RABGAP1L: variants seen among roughly 807,000 people sequenced by gnomAD.
RABGAP1L encodes the protein rab GTPase-activating protein 1-like.
Under a neutral mutation model 137.7 loss-of-function variants are expected in RABGAP1L, and 63 were observed. That is an observed-to-expected ratio of 0.46 (90% confidence interval 0.37 to 0.56). RABGAP1L has a LOEUF of 0.56. Ranked by LOEUF, RABGAP1L falls within the 20% of genes least tolerant of loss-of-function variation. The pLI is 0.00. For missense variants in RABGAP1L, 1,095 were observed against 1,244.0 expected (o/e 0.88, Z 1.80); for synonymous variants, 431 against 433.7 (o/e 0.99, Z 0.08).
At chr1:174,679,658 A>G (rs1410695251) in intron 14 of RABGAP1L, among the ~76,000 whole-genome samples, 2 of 152,356 alleles carry the variant, frequency 1.3e-5, no homozygotes, top group East Asian at 3.9e-4. Context: ...CACAAACAAC[A>G]TGGTTATGCA....
chr1:174,258,274 A>G (rs1014200910), intron 7 of RABGAP1L, among the ~76,000 whole-genome samples: 2 of 152,152 alleles, frequency 1.3e-5, no homozygotes, highest in Non-Finnish European at 2.9e-5. Context: ...TTACCAAGAA[A>G]ATTCTTAACA....
At chr1:174,808,443 G>T (rs1689545493) in intron 18 of RABGAP1L, among the ~76,000 whole-genome samples, 1 of 151,946 alleles carries the variant, frequency 6.6e-6, no homozygotes, top group African/African-American at 2.4e-5. Flanking sequence ...AACAAATTGA[G>T]GCCCTGTCTC....
chr1:174,600,978 G>A (rs559652351), intron 13 of RABGAP1L, among the ~76,000 whole-genome samples: 3 of 152,310 alleles, frequency 2.0e-5, no homozygotes, highest in South Asian at 2.1e-4. Context: ...GCAAACTTTT[G>A]TCTGGGCATC....
In RABGAP1L at chr1:174,632,454, G is replaced by T. The variant is rs867986241; in HGVS notation, c.1711-4921G>T. ...AATGTTGGCCTGCCTTGCTAGATTG[G>T]GGAAGTTCTCCTGGATAATATCCTG... is the stretch of plus-strand genomic sequence containing the variant. On this transcript the variant is annotated intron_variant, in intron 13 of 25. Coordinates refer to ENST00000681986, the MANE Select transcript of RABGAP1L (RefSeq NM_001366446.1). Among the ~76,000 whole-genome samples the T allele has an allele frequency of 1.2e-4, 18 of 148,980 alleles. No homozygotes were observed. The South Asian group carries it at 2.8e-3, about 23-fold the overall frequency.
At chr1:174,958,027 T>G in intron 20 of RABGAP1L, 2 of 1,526,262 alleles carry the variant, frequency 1.3e-6, no homozygotes, top group Non-Finnish European at 1.8e-6. Flanking sequence ...GGCAAAGTAC[T>G]GTTTTAGCTG....
intron 13 of RABGAP1L, among the ~76,000 whole-genome samples, chr1:174,620,175 A>T (rs982001689): frequency 6.6e-6 from 1 of 152,176 alleles, no homozygotes; most frequent in African/African-American, 2.4e-5. Context: ...ACTCCCACAC[A>T]ATAATAATGG....
intron 13 of RABGAP1L, among the ~76,000 whole-genome samples, chr1:174,622,898 A>T (rs928626621): frequency 2.0e-5 from 3 of 152,144 alleles, no homozygotes; most frequent in Non-Finnish European, 2.9e-5. Context: ...TTATTATTCA[A>T]TTTTTTTGAA....
In RABGAP1L at chr1:174,521,950, G is replaced by A. The variant is rs60510552; in HGVS notation, c.1711-115425G>A. Among the ~76,000 whole-genome samples, 818 of 152,054 alleles carry A rather than the reference G, an allele frequency of 5.4e-3. 10 individuals are homozygous for A. Among genetic ancestry groups the A allele is most frequent in the African/African-American group, 0.018 (767 of 41,474 alleles). ...AAAAATTAGCCAGATGTGGTGGTGC[G>A]CACCTGTAATCTCAGCTACTCAGGA... On this transcript the variant is annotated intron_variant, in intron 13 of 25. Transcript: ENST00000681986.
At position 174,761,446 on chromosome 1, in the gene RABGAP1L, G is replaced by T. The variant is rs530696490; in HGVS notation, c.2211+9092G>T. On this transcript the variant is annotated intron_variant, in intron 18 of 25. Transcript: ENST00000681986. The surrounding 1 kb of genome is among the most constrained non-coding windows in gnomAD (Gnocchi z 4.0). ...CAGAGGCGCTCCTCAGTTTTCAGAC[G>T]GTGCAGCCGCCAGGCAGAGGTGCTC... 6.6e-6 allele frequency among the ~76,000 whole-genome samples: 1 copy of T among 151,934 alleles called. No individual in the cohort carries two copies. Among genetic ancestry groups the T allele is most frequent in the African/African-American group, 2.4e-5 (1 of 41,362 alleles).
chr1:174,799,117 A>C (rs1292675800), intron 18 of RABGAP1L, among the ~76,000 whole-genome samples: 1 of 152,184 alleles, frequency 6.6e-6, no homozygotes, highest in Admixed American at 6.6e-5. Flanking sequence ...TTGCTTTGAG[A>C]ATTTCAATTC....
chr1:174,732,127 A>G (rs1480201314), intron 17 of RABGAP1L, among the ~76,000 whole-genome samples: 1 of 151,774 alleles, frequency 6.6e-6, no homozygotes, highest in African/African-American at 2.4e-5. Flanking sequence ...TGGACCTGGA[A>G]GGTGGAGGTT....
intron 13 of RABGAP1L, among the ~76,000 whole-genome samples, chr1:174,453,940 T>C (rs1054504286): frequency 2.0e-5 from 3 of 152,190 alleles, no homozygotes; most frequent in Admixed American, 2.0e-4. Flanking sequence ...AAAATTTCTT[T>C]TATAATCAGA....
At chr1:174,454,211 C>T (rs540648863) in intron 13 of RABGAP1L, among the ~76,000 whole-genome samples, 2 of 151,908 alleles carry the variant, frequency 1.3e-5, no homozygotes, top group South Asian at 2.1e-4. Context: ...TGCAGTGAGC[C>T]GAGATCGCAC....
At chr1:174,352,330 G>C (rs1181438416) in intron 11 of RABGAP1L, among the ~76,000 whole-genome samples, 1 of 151,302 alleles carries the variant, frequency 6.6e-6, no homozygotes, top group Non-Finnish European at 1.5e-5. Context: ...TCTTTCTTCT[G>C]CTTGATCAAT....
chr1:174,777,596 C>T (rs753156829), intron 18 of RABGAP1L, among the ~76,000 whole-genome samples: 18 of 152,148 alleles, frequency 1.2e-4, no homozygotes, highest in Non-Finnish European at 1.8e-4. Flanking sequence ...ATCAATCATT[C>T]GAAATCACTC....
At chr1:174,173,955 C>G (rs1007662154) in intron 1 of RABGAP1L, among the ~76,000 whole-genome samples, 1 of 151,122 alleles carries the variant, frequency 6.6e-6, no homozygotes, top group Non-Finnish European at 1.5e-5. Flanking sequence ...TACCTCATCT[C>G]TCTGAAACAT....
At chr1:174,770,309 G>T (rs1202270318) in intron 18 of RABGAP1L, among the ~76,000 whole-genome samples, 1 of 151,838 alleles carries the variant, frequency 6.6e-6, no homozygotes, top group Admixed American at 6.6e-5. Context: ...ACAAATACTG[G>T]GCTTCTAATT....
At chr1:174,469,892 G>A (rs190088323) in intron 13 of RABGAP1L, among the ~76,000 whole-genome samples, 1 of 152,138 alleles carries the variant, frequency 6.6e-6, no homozygotes, top group Non-Finnish European at 1.5e-5. Context: ...TGCCAAAAAT[G>A]CTTTACCCTT....
chr1:174,880,046 C>CA (rs1382149830), intron 19 of RABGAP1L, among the ~76,000 whole-genome samples: 1 of 131,916 alleles, frequency 7.6e-6, no homozygotes, highest in East Asian at 2.2e-4. Context: ...TGAGCTGAGA[C>CA]AGAGCAAGAC....
Sources: allele counts gnomAD v4.1 joint callset (sites outside exome capture counted in the v4.1 genomes callset), GRCh38; gene constraint gnomAD v4.1.1; non-coding constraint Gnocchi (gnomAD v3.1); transcripts MANE v1.5; gene names NCBI Gene and HGNC (gene_info 2026-07-23, HGNC 2026-07-21).